NCALD: variants seen among roughly 807,000 people sequenced by gnomAD.
NCALD encodes the protein neurocalcin-delta.
NCALD carries 10 observed loss-of-function variants against 18.6 expected under a neutral mutation model. The observed-to-expected ratio is 0.54, with a 90% CI of 0.33 to 0.91. The LOEUF (loss-of-function observed/expected upper bound fraction) is 0.91. NCALD is among the 40% of genes least tolerant of loss of function. The pLI is 0.03. For synonymous variants in NCALD, 88 were observed against 87.4 expected (o/e 1.01, Z -0.04); for missense variants, 184 against 247.6 (o/e 0.74, Z 1.72).
At chr8:102,003,403 A>C (rs1438574505) in intron 2 of NCALD, among the ~76,000 whole-genome samples, 1 of 152,208 alleles carries the variant, frequency 6.6e-6, no homozygotes, top group African/African-American at 2.4e-5. Flanking sequence ...TTAACAACCA[A>C]AAAGATTCCA....
intron 4 of NCALD, among the ~76,000 whole-genome samples, chr8:101,858,891 G>A (rs1327947173): frequency 6.6e-6 from 1 of 152,136 alleles, no homozygotes; most frequent in Non-Finnish European, 1.5e-5. Flanking sequence ...AACAAAACAA[G>A]AGGAGAAATG....
chr8:101,858,621 A>C (rs1166565981), intron 4 of NCALD, among the ~76,000 whole-genome samples: 1 of 152,114 alleles, frequency 6.6e-6, no homozygotes. Flanking sequence ...CAGCATCTAG[A>C]ATGTCAGCAG....
Position 101,719,541 on chromosome 8 carries a change from C to G in NCALD, c.89G>C (p.Trp30Ser). The stretch of plus-strand genomic sequence containing the variant: ...GCAGTCTCTCAAGAAGCCTTTATAC[C>G]ATTCCTGGATCTCATGCTCTGTAAA... ...TDFTEHEIQE[W>S]YKGFLRDCPS... is the part of the protein sequence containing the mutation. Residue 30 changes from tryptophan to serine, a missense_variant, in exon 2 of 4, where the codon TGG (tryptophan) becomes TCG (serine). Physicochemically the swap from Trp to Ser is radical, Grantham distance 177. Transcript: ENST00000220931. 6.2e-7 allele frequency: 1 copy of G among 1,614,172 alleles called. No individual in the cohort carries two copies. The highest frequency in any genetic ancestry group is 8.5e-7 in the Non-Finnish European group (1 of 1,180,030).
At chr8:102,032,584 T>C (rs1176755223) in intron 1 of NCALD, among the ~76,000 whole-genome samples, 1 of 134,886 alleles carries the variant, frequency 7.4e-6, no homozygotes, top group Non-Finnish European at 1.5e-5. Flanking sequence ...TTTGGCCAGA[T>C]GGTCATCGAC....
chr8:101,748,653 C>T (rs1810526881), intron 1 of NCALD, among the ~76,000 whole-genome samples: 1 of 152,150 alleles, frequency 6.6e-6, no homozygotes, highest in South Asian at 2.1e-4. Context: ...CATAACAACA[C>T]TCTGAAGATG....
intron 4 of NCALD, among the ~76,000 whole-genome samples, chr8:101,885,887 G>A (rs1011854479): frequency 2.6e-5 from 4 of 152,188 alleles, no homozygotes; most frequent in Non-Finnish European, 4.4e-5. Flanking sequence ...CTTGATGTCA[G>A]AAAGAGCCAA....
At chr8:101,943,707 G>A (rs1262923448) in intron 2 of NCALD, among the ~76,000 whole-genome samples, 2 of 151,924 alleles carry the variant, frequency 1.3e-5, no homozygotes, top group African/African-American at 2.4e-5. Flanking sequence ...TTGGGAGGCC[G>A]AGGCGGGCGG....
chr8:102,084,741 G>A lies in NCALD; in HGVS notation c.-210+39496C>T, dbSNP rs1317552640. 2.0e-5 allele frequency among the ~76,000 whole-genome samples: 3 copies of A among 152,104 alleles called. 1 individual carries two copies. The highest frequency in any genetic ancestry group is 4.2e-4 in the South Asian group (2 of 4,818). On this transcript the variant is annotated intron_variant, in intron 1 of 6. Transcript: ENST00000311028. ...CCTCTTAGTCCACAAGCTTGAACCC[G>A]CCCAACTCCGGAGATCTTATCAGGA...
At chr8:101,788,205 T>A (rs1201583906) in intron 1 of NCALD, among the ~76,000 whole-genome samples, 1 of 152,228 alleles carries the variant, frequency 6.6e-6, no homozygotes, top group African/African-American at 2.4e-5. Context: ...TTTTGTCCAG[T>A]GCAGTTCTAT....
chr8:101,880,032 G>A (rs962740839), intron 4 of NCALD, among the ~76,000 whole-genome samples: 8 of 151,010 alleles, frequency 5.3e-5, no homozygotes, highest in African/African-American at 2.0e-4. Flanking sequence ...GGAGCAGAGG[G>A]CTGCGCTAGT....
chr8:101,938,132 T>C (rs12545403), intron 2 of NCALD, among the ~76,000 whole-genome samples: 55,503 of 152,030 alleles, frequency 0.37, 10,482 homozygotes, highest in South Asian at 0.44. Flanking sequence ...TGCTTAATAA[T>C]CCATCCTAAA....
intron 1 of NCALD, among the ~76,000 whole-genome samples, chr8:102,026,998 G>A (rs1210584998): frequency 6.6e-6 from 1 of 152,220 alleles, no homozygotes; most frequent in Admixed American, 6.5e-5. Flanking sequence ...AGCCATGGCT[G>A]GAGCTGAAGC....
At chr8:102,035,930 T>G (rs1822847092) in intron 1 of NCALD, among the ~76,000 whole-genome samples, 1 of 152,062 alleles carries the variant, frequency 6.6e-6, no homozygotes. Context: ...TATAGAAACA[T>G]AGCCTAATAA....
At chr8:101,692,944 C>A in intron 2 of NCALD, 48 bp from the exon 3 acceptor site, 2 of 1,348,716 alleles carry the variant, frequency 1.5e-6, no homozygotes, top group Non-Finnish European at 2.1e-6. Flanking sequence ...CAGTATGGCA[C>A]ACAATAGACC....
At chr8:101,859,771 T>C (rs1265965438) in intron 4 of NCALD, among the ~76,000 whole-genome samples, 1 of 152,178 alleles carries the variant, frequency 6.6e-6, no homozygotes, top group Non-Finnish European at 1.5e-5. Flanking sequence ...TGTTCTATTA[T>C]GAACAATAGA....
At chr8:101,700,849 G>A (rs867025007) in intron 2 of NCALD, among the ~76,000 whole-genome samples, 4 of 152,158 alleles carry the variant, frequency 2.6e-5, no homozygotes, top group South Asian at 2.1e-4. Flanking sequence ...AATGAACGGC[G>A]TCCGAAGTCC....
chr8:101,851,692 A>G (rs1201367056), intron 4 of NCALD, among the ~76,000 whole-genome samples: 4 of 152,078 alleles, frequency 2.6e-5, no homozygotes, highest in African/African-American at 9.7e-5. Flanking sequence ...CAGCCACTCG[A>G]GACCTCCTGG....
At chr8:101,878,062 A>G (rs1816304006) in intron 4 of NCALD, among the ~76,000 whole-genome samples, 1 of 152,254 alleles carries the variant, frequency 6.6e-6, no homozygotes, top group African/African-American at 2.4e-5. Flanking sequence ...ATGTCCCAGA[A>G]ATAACAAATG....
In NCALD at chr8:102,019,376, A is replaced by G. The variant is rs148141682; in HGVS notation, c.-157+861T>C. Among the ~76,000 whole-genome samples the G allele has an allele frequency of 2.3e-3, 346 of 152,262 alleles. 2 individuals are homozygous for G. The highest frequency in any genetic ancestry group is 7.8e-3 in the African/African-American group (326 of 41,572). On this transcript the variant is annotated intron_variant, in intron 2 of 6. Coordinates refer to the NCALD transcript ENST00000311028. ...TGAAAACTGTTTGATAGTATCTACT[A>G]AAGCTGAACATATGCCTGCCTTATG...
Sources: allele counts gnomAD v4.1 joint callset (sites outside exome capture counted in the v4.1 genomes callset), GRCh38; gene constraint gnomAD v4.1.1; transcripts MANE v1.5; gene names NCBI Gene and HGNC (gene_info 2026-07-23, HGNC 2026-07-21).